ZNF316: variants seen among roughly 807,000 people sequenced by gnomAD.
ZNF316 encodes zinc finger protein 316.
In ZNF316, 23 loss-of-function variants were observed where a neutral mutation model predicts 75.6. The observed-to-expected ratio is 0.30, with a 90% CI of 0.22 to 0.43. The LOEUF (loss-of-function observed/expected upper bound fraction) is 0.43. Ranked by LOEUF, ZNF316 falls within the 20% of genes least tolerant of loss-of-function variation. ZNF316 has a pLI of 1.00. For synonymous variants in ZNF316, 827 were observed against 666.2 expected, an observed-to-expected ratio of 1.24 and a Z score of -3.72; for missense variants, 1,266 against 1,409.4, an observed-to-expected ratio of 0.90 and a Z score of 1.63.
rs1779583437 is a variant in ZNF316, at chr7:6,654,589, C to G, written c.2993C>G (p.Ala998Gly). Residue 998 changes from alanine to glycine, a missense_variant, in exon 9 of 9, where the codon GCC becomes GGC. Transcript: ENST00000382252. ...HQAAFAGPSG[A>G]YREGVL Reference sequence around the variant, plus strand: ...GCCGCGTTCGCCGGGCCCTCGGGCGCCTACCGGGAGGGCGTCCTGTGAGGG... The same window carrying G: ...GCCGCGTTCGCCGGGCCCTCGGGCGGCTACCGGGAGGGCGTCCTGTGAGGG... 5 of 1,186,600 alleles carry G rather than the reference C, an allele frequency of 4.2e-6. No homozygotes were observed. In the South Asian group the frequency reaches 2.1e-4, roughly 50 times the overall value. The allele number at this position is 1,186,600 out of a possible 1,614,324, so 73.5% of individuals were successfully genotyped here.
intron 8 of ZNF316, among the ~76,000 whole-genome samples, chr7:6,648,141 G>C (rs893967322): frequency 6.6e-6 from 1 of 152,192 alleles, no homozygotes; most frequent in African/African-American, 2.4e-5. Context: ...CCAGGTGTAG[G>C]GACCTTTGTG....
At chr7:6,645,952 C>T (rs189462292) in intron 8 of ZNF316, among the ~76,000 whole-genome samples, 38 of 146,352 alleles carry the variant, frequency 2.6e-4, no homozygotes, top group African/African-American at 9.1e-4. Context: ...CAAGACTGCG[C>T]CACTGCATTG....
intron 8 of ZNF316, among the ~76,000 whole-genome samples, chr7:6,647,532 G>T (rs28672377): frequency 0.056 from 8,574 of 152,334 alleles, 313 homozygotes; most frequent in African/African-American, 0.1. Flanking sequence ...TGCACTGGCC[G>T]GGTGAGGGGA....
intron 8 of ZNF316, among the ~76,000 whole-genome samples, chr7:6,647,132 C>G (rs1779419685): frequency 6.6e-6 from 1 of 152,218 alleles, no homozygotes; most frequent in Non-Finnish European, 1.5e-5. Context: ...CGGGCCAGCC[C>G]TGTACTTGTG....
Position 6,642,433 on chromosome 7 carries a change from C to T in ZNF316, c.24C>T (p.Pro8=), listed in dbSNP as rs536939901. The change falls in exon 5 of 9, where the codon CCC becomes CCT. Residue 8 remains proline (P), a synonymous_variant. Coordinates refer to ENST00000382252, the MANE Select transcript of ZNF316 (RefSeq NM_001278559.2). This position sits in a 1 kb window ranked among gnomAD's most constrained non-coding sequence, Gnocchi z 8.1. The part of the protein sequence containing the change: MAALHTT[P]DSPAAQLERA... Reference sequence around the variant, plus strand: ...GGATGGCGGCGCTCCACACGACTCCCGACTCCCCAGCTGCCCAGCTGGAGC... The same window carrying T: ...GGATGGCGGCGCTCCACACGACTCCTGACTCCCCAGCTGCCCAGCTGGAGC... 9.5e-5 allele frequency: 117 copies of T among 1,232,302 alleles called. No homozygotes were observed. The South Asian group carries it at 3.9e-3, about 42-fold the overall frequency. The allele number at this position is 1,232,302 out of a possible 1,614,324, so 76.3% of individuals were successfully genotyped here.
At position 6,653,802 on chromosome 7, in the gene ZNF316, C is replaced by G; in HGVS notation, c.2206C>G (p.Arg736Gly). 1 of 1,081,088 alleles carries G rather than the reference C, an allele frequency of 9.2e-7. No individual in the cohort carries two copies. The highest frequency in any genetic ancestry group is 1.1e-6 in the Non-Finnish European group (1 of 889,202). The allele number at this position is 1,081,088 out of a possible 1,614,324, so 67.0% of individuals were successfully genotyped here. The change falls in exon 9 of 9, where the codon CGC becomes GGC. Residue 736 changes from arginine to glycine, a missense_variant. By Grantham distance (125) the Arg-to-Gly change is moderately radical. Transcript: ENST00000382252. The stretch of plus-strand genomic sequence containing the variant: ...CTTCGTGTACGGCTCGCACCTGGCG[C>G]GCCACCGGCGCACACACACCGGCGA... ...KSFVYGSHLA[R>G]HRRTHTGERP...
rs902546339 is a variant in ZNF316, at chr7:6,642,604, G to A, written c.195G>A (p.Gln65=). 1 of 1,225,108 alleles carries A rather than the reference G, an allele frequency of 8.2e-7. No homozygotes were observed. The highest frequency in any genetic ancestry group is 1.0e-6 in the Non-Finnish European group (1 of 980,322). 75.9% of individuals were successfully genotyped at this position (1,225,108 alleles called of 1,614,324 possible). A position where few individuals can be genotyped will look rare whatever the true frequency, so the allele number is the denominator to read the frequency against. Residue 65 remains glutamine, a synonymous_variant, in exon 5 of 9, where the codon CAG becomes CAA. Transcript: ENST00000382252. This position sits in a 1 kb window ranked among gnomAD's most constrained non-coding sequence, Gnocchi z 8.1. ...AGGAGGGTGTGGCAGAGGTAGTGCA[G>A]GATGCGCAGGTGGAGGCGGTGGCCG... The part of the protein sequence containing the change: ...EEEEGVAEVV[Q]DAQVEAVAEV...
chr7:6,643,911 A>C lies in ZNF316; in HGVS notation c.555A>C (p.Glu185Asp). 8.1e-7 allele frequency: 1 copy of C among 1,234,120 alleles called. No homozygotes were observed. The highest frequency in any genetic ancestry group is 1.0e-6 in the Non-Finnish European group (1 of 989,272). 76.4% of individuals were successfully genotyped at this position (1,234,120 alleles called of 1,614,324 possible). Residue 185 changes from glutamate (E) to aspartate (D), a missense_variant, in exon 7 of 9, where the codon GAA becomes GAC. Transcript: ENST00000382252. Reference sequence around the variant, plus strand: ...CAGACCAGCGGGGCCTCTACCAGGAAGTCATGCAGGAGAACTATGGGATTC... The same window carrying C: ...CAGACCAGCGGGGCCTCTACCAGGACGTCATGCAGGAGAACTATGGGATTC... ...LEADQRGLYQ[E>D]VMQENYGILV...
chr7:6,654,511 G>A lies in ZNF316; in HGVS notation c.2915G>A (p.Gly972Asp), dbSNP rs956066856. ...GPSSAGPGER[G>D]SALLEFAGGT... ...TCCAGTGCCGGCCCCGGTGAGCGCG[G>A]CAGCGCCCTGCTGGAGTTCGCGGGC... Residue 972 changes from glycine (G) to aspartate (D), a missense_variant, in exon 9 of 9, where the codon GGC becomes GAC. Physicochemically the swap from Gly to Asp is moderately conservative, Grantham distance 94 (BLOSUM62 -1). Around this residue, in one of 3 missense-constraint regions of ZNF316, gnomAD observed 111 missense variants for 99.2 expected, o/e 1.12. Coordinates refer to ENST00000382252, the MANE Select transcript of ZNF316 (RefSeq NM_001278559.2). 8.5e-7 allele frequency: 1 copy of A among 1,176,508 alleles called. No individual in the cohort carries two copies. The highest frequency in any genetic ancestry group is 1.0e-6 in the Non-Finnish European group (1 of 952,588). The allele number at this position is 1,176,508 out of a possible 1,614,324, so 72.9% of individuals were successfully genotyped here.
At position 6,653,346 on chromosome 7, in the gene ZNF316, G is replaced by A; in HGVS notation, c.1750G>A (p.Gly584Ser). The A allele has an allele frequency of 3.3e-6, 4 of 1,225,964 alleles. No homozygotes were observed. Among genetic ancestry groups the A allele is most frequent in the Non-Finnish European group, 4.1e-6 (4 of 984,870 alleles). 75.9% of individuals were successfully genotyped at this position (1,225,964 alleles called of 1,614,324 possible). Residue 584 changes from glycine (G) to serine (S), a missense_variant, in exon 9 of 9, where the codon GGC becomes AGC. Coordinates refer to ENST00000382252, the MANE Select transcript of ZNF316 (RefSeq NM_001278559.2). ...PERRFLELGN[G>S]LGEGEGPSSH... ...ACGGCGCTTCCTGGAGCTGGGCAAC[G>A]GCCTGGGGGAGGGCGAAGGCCCCTC... is the stretch of plus-strand genomic sequence containing the variant.
At chr7:6,641,364 G>T (rs1240477650) in intron 3 of ZNF316, among the ~76,000 whole-genome samples, 1 of 152,234 alleles carries the variant, frequency 6.6e-6, no homozygotes, top group African/African-American at 2.4e-5. Flanking sequence ...TGTGTCCTGG[G>T]TAATGGGCCC....
intron 6 of ZNF316, among the ~76,000 whole-genome samples, 151 bp from the exon 7 acceptor site, chr7:6,643,666 GCTTTC>G (rs1234504307): frequency 3.3e-5 from 5 of 152,192 alleles, no homozygotes; most frequent in Non-Finnish European, 7.3e-5. Context: ...TCTGGTCCTT[GCTTTC>G]CAGGGCTGTG....
At chr7:6,644,019 G>A (rs1367497146) in intron 7 of ZNF316, 71 bp downstream of exon 7, 9 of 1,226,012 alleles carry the variant, frequency 7.3e-6, no homozygotes, top group African/African-American at 6.2e-5. Context: ...GCTGTCTGAC[G>A]GGGCGCTTTT....
chr7:6,643,421 C>T (rs1779345876), intron 6 of ZNF316, among the ~76,000 whole-genome samples: 1 of 152,246 alleles, frequency 6.6e-6, no homozygotes, highest in Admixed American at 6.5e-5. Flanking sequence ...GTTCCTGCTG[C>T]CCAGTCAGGT....
chr7:6,653,954 T>C lies in ZNF316; in HGVS notation c.2358T>C (p.Arg786=). 6 of 1,156,076 alleles carry C rather than the reference T, an allele frequency of 5.2e-6. No homozygotes were observed. The highest frequency in any genetic ancestry group is 5.3e-6 in the Non-Finnish European group (5 of 940,740). 71.6% of individuals were successfully genotyped at this position (1,156,076 alleles called of 1,614,324 possible). A position where few individuals can be genotyped will look rare whatever the true frequency, so the allele number is the denominator to read the frequency against. The stretch of plus-strand genomic sequence containing the variant: ...GCGTGTGCGGTGCGGGGTTCAGCCG[T>C]CGCGCGCACTTGACGGCGCACGGGC... The part of the protein sequence containing the change: ...VCGVCGAGFS[R]RAHLTAHGRA... The change falls in exon 9 of 9, where the codon CGT becomes CGC. Residue 786 remains arginine, a synonymous_variant. Coordinates refer to ENST00000382252, the MANE Select transcript of ZNF316 (RefSeq NM_001278559.2).
At chr7:6,638,347 C>T (rs900685969) in intron 2 of ZNF316, among the ~76,000 whole-genome samples, 1 of 152,014 alleles carries the variant, frequency 6.6e-6, no homozygotes, top group African/African-American at 2.4e-5. Context: ...CTGTGGTGGT[C>T]GGGGAAGGAA....
Position 6,643,961 on chromosome 7 carries a change from C to A in ZNF316, c.592+13C>A. 1.6e-6 allele frequency: 2 copies of A among 1,232,292 alleles called. No individual in the cohort carries two copies. 76.3% of individuals were successfully genotyped at this position (1,232,292 alleles called of 1,614,324 possible). The stretch of plus-strand genomic sequence containing the variant: ...CTCGTGTCCTTGGGTAAGGACGGGA[C>A]CTTTTGTCCCCAAGAGGCAGCCTGG... On this transcript the variant is annotated intron_variant, in intron 7 of 8. Transcript: ENST00000382252.
chr7:6,645,453 G>A (rs1779383432), intron 8 of ZNF316, among the ~76,000 whole-genome samples: 1 of 152,128 alleles, frequency 6.6e-6, no homozygotes, highest in Non-Finnish European at 1.5e-5. Context: ...GGAGGCTGAG[G>A]TGGACAGATC....
rs1477402169 is a variant in ZNF316, at chr7:6,654,090, C to T, written c.2494C>T (p.Arg832Cys). The T allele has an allele frequency of 5.8e-6, 7 of 1,216,922 alleles. No homozygotes were observed. The highest frequency in any genetic ancestry group is 4.3e-5 in the Admixed American group (1 of 22,990). The allele number at this position is 1,216,922 out of a possible 1,614,324, so 75.4% of individuals were successfully genotyped here. A position where few individuals can be genotyped will look rare whatever the true frequency, so the allele number is the denominator to read the frequency against. ...GGCGCACGCCGAGGAGAAGCCGCAC[C>T]GCTGCCCCGACTGCGGCAAGGGCTT... ...QWAHAEEKPH[R>C]CPDCGKGFGH... Residue 832 changes from arginine (R) to cysteine (C), a missense_variant, in exon 9 of 9, where the codon CGC becomes TGC. Physicochemically the swap from Arg to Cys is radical, Grantham distance 180. Coordinates refer to ENST00000382252, the MANE Select transcript of ZNF316 (RefSeq NM_001278559.2).
Sources: allele counts gnomAD v4.1 joint callset (sites outside exome capture counted in the v4.1 genomes callset), GRCh38; gene constraint gnomAD v4.1.1; regional missense constraint gnomAD v4.1.1; non-coding constraint Gnocchi (gnomAD v3.1); transcripts MANE v1.5; gene names NCBI Gene and HGNC (gene_info 2026-07-23, HGNC 2026-07-21).